UHRF1: variants seen among roughly 807,000 people sequenced by gnomAD.
The protein encoded by UHRF1 is ubiquitin like with PHD and ring finger domains 1.
Under a neutral mutation model 96.5 loss-of-function variants are expected in UHRF1, and 9 were observed. The observed-to-expected ratio is 0.09, with a 90% CI of 0.06 to 0.16. The LOEUF is 0.16. Among genes scored for constraint, UHRF1 ranks in the 10% least tolerant of loss-of-function variants. UHRF1 has a pLI of 1.00. For synonymous variants in UHRF1, 455 were observed against 469.9 expected (o/e 0.97, Z 0.41); for missense variants, 626 against 1,131.1 (o/e 0.55, Z 6.40).
At chr19:4,926,706 A>G (rs1352276313) in intron 2 of UHRF1, among the ~76,000 whole-genome samples, 1 of 151,790 alleles carries the variant, frequency 6.6e-6, no homozygotes, top group Admixed American at 6.6e-5. Flanking sequence ...TCGATGCTGC[A>G]GTGAGCTACG....
rs56868574 is a variant in UHRF1 at position 4,946,732 on chromosome 19, G to A, written c.1411-373G>A. Reference sequence around the variant, plus strand: ...TGGGACTACAGGCAGGCACTGCCACGCCAAACTAATTTTTGTATTTTTTTG... The same window carrying A: ...TGGGACTACAGGCAGGCACTGCCACACCAAACTAATTTTTGTATTTTTTTG... On this transcript the variant is annotated intron_variant, in intron 10 of 16. Transcript: ENST00000650932. Among the ~76,000 whole-genome samples the A allele has an allele frequency of 6.7e-3, 1,019 of 152,064 alleles. 14 individuals are homozygous for A. The highest frequency in any genetic ancestry group is 0.023 in the African/African-American group (948 of 41,510).
intron 11 of UHRF1, among the ~76,000 whole-genome samples, chr19:4,949,147 A>C (rs2033651894): frequency 1.3e-5 from 2 of 151,926 alleles, no homozygotes; most frequent in South Asian, 4.2e-4. Flanking sequence ...GAATATGGAA[A>C]TAATGCACAA....
chr19:4,917,490 CT>C (rs1246068875), intron 2 of UHRF1, among the ~76,000 whole-genome samples: 1 of 151,454 alleles, frequency 6.6e-6, no homozygotes, highest in African/African-American at 2.4e-5. Flanking sequence ...CCCATCTTTA[CT>C]AAAGATACAA....
At chr19:4,929,072 C>A in intron 2 of UHRF1, 150 bp from the exon 3 acceptor site, 1 of 1,136,162 alleles carries the variant, frequency 8.8e-7, no homozygotes, top group Non-Finnish European at 1.2e-6. Context: ...AGCCCCCTGG[C>A]ATGGCCCAGG....
intron 9 of UHRF1, among the ~76,000 whole-genome samples, chr19:4,945,583 G>A (rs779790870): frequency 2.6e-5 from 4 of 151,850 alleles, no homozygotes; most frequent in Non-Finnish European, 1.5e-5. Flanking sequence ...TCTAGAGGCC[G>A]AAGAGGAGCA....
At chr19:4,910,688 G>T in intron 1 of UHRF1, 188 bp from the exon 2 acceptor site, 1 of 489,020 alleles carries the variant, frequency 2.0e-6, no homozygotes, top group Non-Finnish European at 3.5e-6. Context: ...AGTCGTTAAT[G>T]CCTTAAGTGC....
intron 4 of UHRF1, among the ~76,000 whole-genome samples, chr19:4,931,703 G>A (rs994949163): frequency 6.6e-6 from 1 of 151,732 alleles, no homozygotes; most frequent in African/African-American, 2.4e-5. Flanking sequence ...TTCTGACCTC[G>A]TGTTCCGCCC....
intron 2 of UHRF1, among the ~76,000 whole-genome samples, chr19:4,919,024 A>ATTTTT (rs144245403): frequency 8.4e-6 from 1 of 119,392 alleles, no homozygotes; most frequent in Non-Finnish European, 1.7e-5. Context: ...TCCTGACCTC[A>ATTTTT]TTTTTTTTTT....
At chr19:4,943,698 T>C (rs2033478823) in intron 7 of UHRF1, among the ~76,000 whole-genome samples, 1 of 152,138 alleles carries the variant, frequency 6.6e-6, no homozygotes. Flanking sequence ...TCCTCCAGGC[T>C]GGAGTGCAGT....
intron 2 of UHRF1, among the ~76,000 whole-genome samples, chr19:4,926,027 A>G (rs898156979): frequency 1.2e-4 from 18 of 152,072 alleles, no homozygotes; most frequent in African/African-American, 4.3e-4. Context: ...CCTCCCGAGT[A>G]GCTGGGATTA....
intron 5 of UHRF1, 42 bp downstream of exon 5, chr19:4,932,998 C>T: frequency 6.5e-7 from 1 of 1,542,904 alleles, no homozygotes; most frequent in Non-Finnish European, 8.8e-7. Flanking sequence ...TCTCTCCTTT[C>T]CTCCCCTCCC....
chr19:4,923,461 C>G (rs1197629445), intron 2 of UHRF1, among the ~76,000 whole-genome samples: 1 of 152,206 alleles, frequency 6.6e-6, no homozygotes, highest in African/African-American at 2.4e-5. Flanking sequence ...TCTGGTTTCC[C>G]TCGTGCGCTG....
chr19:4,938,729 G>GT (rs1568421911), intron 5 of UHRF1, among the ~76,000 whole-genome samples: 7 of 73,940 alleles, frequency 9.5e-5, no homozygotes, highest in African/African-American at 4.0e-4. Context: ...GTTTTGGTCA[G>GT]GTTTTTTTTT....
chr19:4,906,697 G>C (rs185413375), upstream of UHRF1, among the ~76,000 whole-genome samples: 530 of 152,238 alleles, frequency 3.5e-3, 4 homozygotes, highest in Admixed American at 0.011. Flanking sequence ...AGGTTGCGGA[G>C]AGCCAAGATC....
At chr19:4,908,250 A>G (rs540925974), upstream of UHRF1, among the ~76,000 whole-genome samples, 2 of 152,248 alleles carry the variant, frequency 1.3e-5, no homozygotes, top group South Asian at 4.1e-4. Flanking sequence ...GGGGGTCTAG[A>G]GACGCATATC....
chr19:4,937,845 A>G (rs956238919), intron 5 of UHRF1, among the ~76,000 whole-genome samples: 4 of 152,118 alleles, frequency 2.6e-5, no homozygotes, highest in African/African-American at 9.7e-5. Context: ...TAAAGGTTTG[A>G]TAGAATTCTT....
At chr19:4,920,393 C>T (rs2032665316) in intron 2 of UHRF1, among the ~76,000 whole-genome samples, 1 of 151,964 alleles carries the variant, frequency 6.6e-6, no homozygotes, top group Admixed American at 6.6e-5. Flanking sequence ...GATTGCGCCA[C>T]TGCAGTTCAG....
chr19:4,960,232 G>A (rs1224449416), intron 16 of UHRF1, among the ~76,000 whole-genome samples: 1 of 152,246 alleles, frequency 6.6e-6, no homozygotes, highest in Non-Finnish European at 1.5e-5. Flanking sequence ...AGCTCAGGGA[G>A]CATCTGCCCT....
chr19:4,926,691 A>G (rs2032881031), intron 2 of UHRF1, among the ~76,000 whole-genome samples: 1 of 151,882 alleles, frequency 6.6e-6, no homozygotes, highest in Non-Finnish European at 1.5e-5. Flanking sequence ...ACTTGAGCCC[A>G]AGGTTCGATG....
Sources: gnomAD v4.1 joint callset for allele counts (sites outside exome capture counted in the v4.1 genomes callset) on GRCh38, gnomAD v4.1.1 for gene constraint, MANE v1.5 for transcripts, NCBI Gene and HGNC (gene_info 2026-07-23, HGNC 2026-07-21) for gene names.